The following WAC variants were observed in gnomAD, a reference collection of about 807,000 sequenced individuals.
The protein encoded by WAC is WW domain containing adaptor with coiled-coil.
Under a neutral mutation model 79.6 loss-of-function variants are expected in WAC, and 11 were observed. The ratio of observed to expected loss-of-function variants is 0.14; its 90% CI spans 0.09 to 0.23. The LOEUF is 0.23. Ranked by LOEUF, WAC falls within the 10% of genes least tolerant of loss-of-function variation. The probability of loss-of-function intolerance (pLI) is 1.00; values close to 1 mark genes in which losing one functional copy is unlikely to be tolerated. For missense variants in WAC, 728 were observed against 773.5 expected, an observed-to-expected ratio of 0.94 and a Z score of 0.70; for synonymous variants, 304 against 276.9, an observed-to-expected ratio of 1.10 and a Z score of -0.97.
chr10:28,552,615 T>C (rs1338866094), intron 3 of WAC, among the ~76,000 whole-genome samples: 2 of 152,190 alleles, frequency 1.3e-5, no homozygotes, highest in Non-Finnish European at 2.9e-5. Context: ...TTGAATCATA[T>C]AGTCAGAACT....
At chr10:28,549,090 A>C (rs112542417) in intron 3 of WAC, among the ~76,000 whole-genome samples, 21 of 152,206 alleles carry the variant, frequency 1.4e-4, no homozygotes, top group African/African-American at 3.9e-4. Context: ...ATAGAGACAG[A>C]GTTTTACCAT....
At chr10:28,535,835 A>G (rs1836630164) in intron 3 of WAC, 78 bp downstream of exon 3, 2 of 1,241,350 alleles carry the variant, frequency 1.6e-6, no homozygotes, top group Non-Finnish European at 2.2e-6. Flanking sequence ...TAGTATTTCT[A>G]GCTTGAAGAA....
At position 28,619,764 on chromosome 10, in the gene WAC, G is replaced by A. The variant is rs771139691; in HGVS notation, c.*158G>A. 2.5e-4 allele frequency: 134 copies of A among 530,990 alleles called. No individual in the cohort carries two copies. Among genetic ancestry groups the A allele is most frequent in the Admixed American group, 4.0e-4 (10 of 24,988 alleles). The allele number at this position is 530,990 out of a possible 1,614,324, so 32.9% of individuals were successfully genotyped here. A position where few individuals can be genotyped will look rare whatever the true frequency, so the allele number is the denominator to read the frequency against. On this transcript the variant is annotated 3_prime_UTR_variant, in exon 14 of 14. Transcript: ENST00000354911. Reference sequence around the variant, plus strand: ...TCTGTGAGAGTCAATTCAGGGGAAAGATACAAGATTGATTTGTAAAACCCT... The same window carrying A: ...TCTGTGAGAGTCAATTCAGGGGAAAAATACAAGATTGATTTGTAAAACCCT...
intron 3 of WAC, among the ~76,000 whole-genome samples, chr10:28,558,764 A>G (rs557976150): frequency 6.6e-6 from 1 of 152,316 alleles, no homozygotes; most frequent in African/African-American, 2.4e-5. Context: ...AAGGAATCCA[A>G]AGGTGGTGCT....
chr10:28,535,510 G>A (rs1836596540), intron 2 of WAC, 52 bp from the exon 3 acceptor site: 2 of 1,507,196 alleles, frequency 1.3e-6, no homozygotes, highest in Non-Finnish European at 1.8e-6. Context: ...AAATTAGGGA[G>A]TTTAAGGTTT....
At chr10:28,578,638 A>C (rs763357091) in intron 3 of WAC, among the ~76,000 whole-genome samples, 9 of 152,126 alleles carry the variant, frequency 5.9e-5, no homozygotes, top group Non-Finnish European at 1.2e-4. Flanking sequence ...TAATTGCTTA[A>C]TGTCCATTTC....
chr10:28,611,549 T>A (rs1237900205), intron 9 of WAC: 1 of 1,339,960 alleles, frequency 7.5e-7, no homozygotes, highest in Non-Finnish European at 9.8e-7. Context: ...TAAAGGAGAG[T>A]GGGCCACACT....
intron 3 of WAC, among the ~76,000 whole-genome samples, chr10:28,568,846 A>G (rs1166648442): frequency 1.3e-5 from 2 of 152,200 alleles, no homozygotes; most frequent in Admixed American, 1.3e-4. Context: ...TGCTGGGATT[A>G]CAGGCATGAG....
rs1304942501 is a variant in WAC, at chr10:28,533,152, G to GCGGCAC, written c.-426_-421dup. Reference sequence around the variant, plus strand: ...GGATGTAGTTGGTGGAGCGGCAGCGGCGGCACCAGCGGCGGCGGCGGCGGC... The same window carrying GCGGCAC: ...GGATGTAGTTGGTGGAGCGGCAGCGGCGGCACCGGCACCAGCGGCGGCGGCGGCGGC... On this transcript the variant is annotated 5_prime_UTR_variant, in exon 1 of 14. Coordinates refer to ENST00000354911, the MANE Select transcript of WAC (RefSeq NM_016628.5). 1 of 167,908 alleles carries GCGGCAC rather than the reference G, an allele frequency of 6.0e-6. No homozygotes were observed. The highest frequency in any genetic ancestry group is 1.3e-5 in the Non-Finnish European group (1 of 78,710). The allele number at this position is 167,908 out of a possible 1,614,324, so 10.4% of individuals were successfully genotyped here. A position where few individuals can be genotyped will look rare whatever the true frequency, so the allele number is the denominator to read the frequency against.
At chr10:28,540,974 G>A (rs1352491404) in intron 3 of WAC, among the ~76,000 whole-genome samples, 4 of 151,892 alleles carry the variant, frequency 2.6e-5, no homozygotes, top group South Asian at 2.1e-4. Context: ...TTTGTCTTAC[G>A]CTTCTCATAA....
chr10:28,580,006 C>A (rs561215400), intron 3 of WAC, among the ~76,000 whole-genome samples: 1 of 152,200 alleles, frequency 6.6e-6, no homozygotes, highest in East Asian at 1.9e-4. Flanking sequence ...AGAAAAATAT[C>A]TTTATCTTAC....
chr10:28,607,113 T>A (rs1223195253), intron 7 of WAC, among the ~76,000 whole-genome samples: 4 of 152,242 alleles, frequency 2.6e-5, no homozygotes, highest in Admixed American at 2.6e-4. Flanking sequence ...GCAGTTTGTC[T>A]ATTTTGACGT....
intron 4 of WAC, among the ~76,000 whole-genome samples, chr10:28,585,245 A>C: frequency 6.6e-6 from 1 of 152,124 alleles, no homozygotes; most frequent in East Asian, 1.9e-4. Flanking sequence ...ATAGAGGAGG[A>C]GCCCCACAGA....
chr10:28,552,845 C>CTTT (rs3029447), intron 3 of WAC, among the ~76,000 whole-genome samples: 982 of 84,328 alleles, frequency 0.012, 34 homozygotes, highest in Middle Eastern at 0.018. Flanking sequence ...CACTTGGCTG[C>CTTT]TTTTTTTTTT....
chr10:28,622,667 T>C lies in WAC; in HGVS notation c.*3061T>C, dbSNP rs375718590. Reference sequence around the variant, plus strand: ...TTATGCTTCTTTTAACAGTCCAAATTAGTAGTTTTATTTTTCTTCTAAATC... The same window carrying C: ...TTATGCTTCTTTTAACAGTCCAAATCAGTAGTTTTATTTTTCTTCTAAATC... On this transcript the variant is annotated 3_prime_UTR_variant, in exon 14 of 14. Transcript: ENST00000354911. 3 of 152,234 alleles carry C rather than the reference T, an allele frequency of 2.0e-5. No individual in the cohort carries two copies. In the East Asian group the frequency reaches 5.8e-4, roughly 29 times the overall value. 9.4% of individuals were successfully genotyped at this position (152,234 alleles called of 1,614,324 possible).
intron 3 of WAC, among the ~76,000 whole-genome samples, chr10:28,573,859 C>T (rs1342877216): frequency 2.0e-5 from 3 of 151,908 alleles, no homozygotes; most frequent in South Asian, 2.1e-4. Context: ...CTGTCATCCC[C>T]CAACACCCCC....
intron 3 of WAC, among the ~76,000 whole-genome samples, chr10:28,571,362 T>C (rs749358504): frequency 6.6e-6 from 1 of 152,216 alleles, no homozygotes; most frequent in Admixed American, 6.5e-5. Context: ...TGTTCTTTCT[T>C]TAGTTTAGTA....
chr10:28,589,127 T>G (rs909464889), intron 4 of WAC: 1 of 152,228 alleles, frequency 6.6e-6, no homozygotes, highest in Admixed American at 6.5e-5. Context: ...TTTTTAGTTA[T>G]GGGAAAAAGA....
At chr10:28,563,642 C>T (rs775888634) in intron 3 of WAC, among the ~76,000 whole-genome samples, 44 of 150,250 alleles carry the variant, frequency 2.9e-4, no homozygotes, top group Admixed American at 8.0e-4. Context: ...TGCAGTGGCG[C>T]GATCTCCGCT....
Sources: gnomAD v4.1 joint callset for allele counts (sites outside exome capture counted in the v4.1 genomes callset) on GRCh38, gnomAD v4.1.1 for gene constraint, MANE v1.5 for transcripts, NCBI Gene and HGNC (gene_info 2026-07-23, HGNC 2026-07-21) for gene names.